Variants in CRPPA observed in about 807,000 individuals in gnomAD.
The protein encoded by CRPPA is D-ribitol-5-phosphate cytidylyltransferase.
In CRPPA, 43 loss-of-function variants were observed where a neutral mutation model predicts 52.0. The observed-to-expected ratio is 0.83, with a 90% CI of 0.65 to 1.07. The LOEUF is 1.07. CRPPA is among the 50% of genes least tolerant of loss of function. The pLI is 0.00. For missense variants in CRPPA, 629 were observed against 551.7 expected (o/e 1.14, Z -1.40); for synonymous variants, 250 against 203.5 (o/e 1.23, Z -1.94).
chr7:16,190,231 A>C (rs1781580631), intron 9 of CRPPA, among the ~76,000 whole-genome samples: 1 of 152,180 alleles, frequency 6.6e-6, no homozygotes, highest in African/African-American at 2.4e-5. Flanking sequence ...ATTTTTCCCA[A>C]GGTTTCATTT....
At chr7:16,196,717 A>T (rs1217213479) in intron 9 of CRPPA, among the ~76,000 whole-genome samples, 1 of 152,080 alleles carries the variant, frequency 6.6e-6, no homozygotes, top group Non-Finnish European at 1.5e-5. Flanking sequence ...AAACAAAAGA[A>T]CCACCTTCCC....
Position 16,309,383 on chromosome 7 carries a change from A to T in CRPPA, c.685-756T>A, listed in dbSNP as rs1166100997. 3.9e-5 allele frequency among the ~76,000 whole-genome samples: 6 copies of T among 152,166 alleles called. No individual in the cohort carries two copies. The South Asian group carries it at 6.2e-4, about 16-fold the overall frequency. ...GTCTAGAAGGGGAGGCTGGCATCTAACAAGCAGTTTGTAACAGAACCTGAT... is the reference window on the plus strand; with the variant it reads ...GTCTAGAAGGGGAGGCTGGCATCTATCAAGCAGTTTGTAACAGAACCTGAT... On this transcript the variant is annotated intron_variant, in intron 3 of 9. Coordinates refer to ENST00000407010, the MANE Select transcript of CRPPA (RefSeq NM_001101426.4).
At chr7:16,414,489 T>C (rs1000829846) in intron 1 of CRPPA, among the ~76,000 whole-genome samples, 10 of 152,138 alleles carry the variant, frequency 6.6e-5, no homozygotes, top group Non-Finnish European at 1.5e-5. Context: ...AGGGAATACA[T>C]TTTTTAAAAC....
At chr7:16,321,128 C>A (rs930800620) in intron 3 of CRPPA, among the ~76,000 whole-genome samples, 1 of 152,128 alleles carries the variant, frequency 6.6e-6, no homozygotes, top group Non-Finnish European at 1.5e-5. Context: ...GCAACACCAC[C>A]CATATCTATC....
rs1175645533 is a variant in CRPPA at position 16,090,415 on chromosome 7, G to GTA, written c.*1278_*1279dup. 6.6e-6 allele frequency: 1 copy of GTA among 151,870 alleles called. No homozygotes were observed. The highest frequency in any genetic ancestry group is 1.5e-5 in the Non-Finnish European group (1 of 67,956). 9.4% of individuals were successfully genotyped at this position (151,870 alleles called of 1,614,324 possible). A position where few individuals can be genotyped will look rare whatever the true frequency, so the allele number is the denominator to read the frequency against. On this transcript the variant is annotated 3_prime_UTR_variant, in exon 10 of 10. Coordinates refer to ENST00000407010, the MANE Select transcript of CRPPA (RefSeq NM_001101426.4). ...CCTAATCTGTTTCAATAAAATAAAT[G>GTA]TATGTTGGCTGGGTATGGTGGCTCA...
chr7:16,158,642 T>C (rs1783237598), intron 9 of CRPPA, among the ~76,000 whole-genome samples: 3 of 152,202 alleles, frequency 2.0e-5, no homozygotes, highest in South Asian at 2.1e-4. Flanking sequence ...TAGTATATTA[T>C]TAATGTGACA....
chr7:16,126,115 G>A (rs1327413762), intron 9 of CRPPA, among the ~76,000 whole-genome samples: 1 of 152,102 alleles, frequency 6.6e-6, no homozygotes, highest in Non-Finnish European at 1.5e-5. Flanking sequence ...CTTTGGAGAG[G>A]CGGGCAGGAA....
chr7:16,416,862 T>C (rs1788207328), intron 1 of CRPPA, among the ~76,000 whole-genome samples: 1 of 152,032 alleles, frequency 6.6e-6, no homozygotes, highest in African/African-American at 2.4e-5. Flanking sequence ...ATAGAGCTTC[T>C]GCACAGCAAT....
intron 9 of CRPPA, among the ~76,000 whole-genome samples, chr7:16,197,882 C>T (rs1781772387): frequency 6.7e-6 from 1 of 149,962 alleles, no homozygotes; most frequent in African/African-American, 2.5e-5. Context: ...GAAATGTGTG[C>T]TGTGTCAACT....
chr7:16,119,622 T>C (rs1261341490), intron 9 of CRPPA, among the ~76,000 whole-genome samples: 1 of 152,090 alleles, frequency 6.6e-6, no homozygotes, highest in Non-Finnish European at 1.5e-5. Flanking sequence ...GACCCAAAAG[T>C]CTGAACGTAA....
intron 8 of CRPPA, among the ~76,000 whole-genome samples, chr7:16,219,280 C>T (rs868300498): frequency 1.4e-4 from 21 of 149,786 alleles, no homozygotes; most frequent in Non-Finnish European, 1.9e-4. Flanking sequence ...ATCTCTGGGA[C>T]GCATTCAAAG....
intron 3 of CRPPA, among the ~76,000 whole-genome samples, chr7:16,315,199 T>C (rs946071020): frequency 2.0e-5 from 3 of 152,172 alleles, no homozygotes; most frequent in South Asian, 2.1e-4. Context: ...GTGTTTCTGA[T>C]CTCCAGCATT....
chr7:16,240,572 T>TACACACACACACACAC (rs71549978), intron 8 of CRPPA, among the ~76,000 whole-genome samples: 22 of 148,016 alleles, frequency 1.5e-4, no homozygotes, highest in African/African-American at 5.0e-4. Context: ...TTATTACACA[T>TACACACACACACACAC]ACACACACAC....
chr7:16,156,006 C>A (rs936692653), intron 9 of CRPPA, among the ~76,000 whole-genome samples: 2 of 149,274 alleles, frequency 1.3e-5, no homozygotes, highest in Admixed American at 6.8e-5. Context: ...TGATTAAGGC[C>A]AATATGGATA....
intron 2 of CRPPA, among the ~76,000 whole-genome samples, chr7:16,388,622 C>A (rs975162582): frequency 2.0e-5 from 3 of 152,188 alleles, no homozygotes; most frequent in African/African-American, 7.2e-5. Context: ...TGCCTGTAAT[C>A]CCAGCACTTT....
intron 9 of CRPPA, among the ~76,000 whole-genome samples, chr7:16,156,995 T>A (rs1317936617): frequency 1.3e-5 from 2 of 152,132 alleles, no homozygotes; most frequent in Admixed American, 1.3e-4. Flanking sequence ...TAACATAGTT[T>A]TTTTGTTATT....
intron 5 of CRPPA, among the ~76,000 whole-genome samples, chr7:16,288,707 C>T (rs10277201): frequency 0.77 from 116,145 of 151,588 alleles, 44,671 homozygotes; most frequent in Admixed American, 0.8. Flanking sequence ...ATTAGCCAGG[C>T]ATGGTTATAC....
chr7:16,277,865 T>C (rs912013702), intron 6 of CRPPA, among the ~76,000 whole-genome samples: 1 of 152,164 alleles, frequency 6.6e-6, no homozygotes, highest in Admixed American at 6.5e-5. Flanking sequence ...CTCAGCCTTA[T>C]GCTGGGGAAT....
intron 9 of CRPPA, among the ~76,000 whole-genome samples, chr7:16,203,373 T>C (rs1049683581): frequency 2.0e-5 from 3 of 152,136 alleles, no homozygotes; most frequent in South Asian, 2.1e-4. Flanking sequence ...GCCTGAATGA[T>C]AGAAAGAACA....
Sources: allele counts gnomAD v4.1 joint callset (sites outside exome capture counted in the v4.1 genomes callset), GRCh38; gene constraint gnomAD v4.1.1; transcripts MANE v1.5; gene names NCBI Gene and HGNC (gene_info 2026-07-23, HGNC 2026-07-21).